The following SGCD variants were observed in gnomAD, a reference collection of about 807,000 sequenced individuals.
SGCD encodes the protein delta-sarcoglycan.
In SGCD, 18 loss-of-function variants were observed where a neutral mutation model predicts 36.6. The observed-to-expected ratio is 0.49, with a 90% CI of 0.34 to 0.73. The LOEUF is 0.73. Ranked by LOEUF, SGCD falls within the 30% of genes least tolerant of loss-of-function variation. The pLI is 0.01. For synonymous variants in SGCD, 133 were observed against 130.6 expected (o/e 1.02, Z -0.12); for missense variants, 387 against 346.7 (o/e 1.12, Z -0.92).
intron 3 of SGCD, among the ~76,000 whole-genome samples, chr5:156,174,026 C>G (rs940544992): frequency 6.6e-6 from 1 of 152,124 alleles, no homozygotes; most frequent in Non-Finnish European, 1.5e-5. Flanking sequence ...TTTAAAAACT[C>G]ATTGTAAAGT....
At chr5:155,835,048 C>T in the SGCD span, among the ~76,000 whole-genome samples, 2 of 110,856 alleles carry the variant, frequency 1.8e-5, no homozygotes, top group African/African-American at 3.3e-5. Context: ...TTCTCTGTCA[C>T]CCAGGCTAGA....
chr5:156,104,825 G>T (rs1231902418), intron 1 of SGCD, among the ~76,000 whole-genome samples: 2 of 152,152 alleles, frequency 1.3e-5, no homozygotes, highest in Non-Finnish European at 2.9e-5. Flanking sequence ...TTAAACCTTG[G>T]TTCCTTCATC....
chr5:156,731,276 T>C (rs1475115623), intron 7 of SGCD, among the ~76,000 whole-genome samples: 1 of 151,880 alleles, frequency 6.6e-6, no homozygotes, highest in East Asian at 1.9e-4. Context: ...CATTTGTCAA[T>C]TTTTGCTTTT....
At chr5:156,328,888 A>C (rs1449646936) in intron 1 of SGCD, among the ~76,000 whole-genome samples, 2 of 152,110 alleles carry the variant, frequency 1.3e-5, no homozygotes, top group Admixed American at 1.3e-4. Context: ...ATGCCAAGAC[A>C]GATTAGGAAC....
At chr5:156,346,280 A>G (rs1768930282) in intron 3 of SGCD, among the ~76,000 whole-genome samples, 1 of 152,126 alleles carries the variant, frequency 6.6e-6, no homozygotes, top group South Asian at 2.1e-4. Flanking sequence ...CTTTCTAAAA[A>G]AATTTTTCTT....
intron 1 of SGCD, among the ~76,000 whole-genome samples, chr5:156,009,968 C>G (rs923979902): frequency 1.3e-5 from 2 of 152,156 alleles, no homozygotes; most frequent in Non-Finnish European, 2.9e-5. Context: ...GACTCAAACA[C>G]GTTTTGGCAA....
At chr5:156,552,958 A>G (rs928241485) in intron 4 of SGCD, among the ~76,000 whole-genome samples, 5 of 152,134 alleles carry the variant, frequency 3.3e-5, no homozygotes, top group African/African-American at 1.2e-4. Context: ...ATTTATGAAG[A>G]AAAAAAGGCT....
chr5:155,792,856 G>T, the SGCD span, among the ~76,000 whole-genome samples: 9 of 152,164 alleles, frequency 5.9e-5, no homozygotes, highest in African/African-American at 2.2e-4. Flanking sequence ...ATTTCTTAAA[G>T]AACTTAAAGC....
At chr5:156,084,172 G>A (rs1360776541) in intron 1 of SGCD, among the ~76,000 whole-genome samples, 1 of 152,142 alleles carries the variant, frequency 6.6e-6, no homozygotes, top group East Asian at 1.9e-4. Context: ...CAAACTTGTA[G>A]TTCAATTTGG....
chr5:156,075,192 CA>C (rs111372223), intron 1 of SGCD, among the ~76,000 whole-genome samples: 4,492 of 147,302 alleles, frequency 0.03, 221 homozygotes, highest in African/African-American at 0.11. Context: ...GTCAAATTTA[CA>C]AAAAAAAAAT....
At chr5:156,112,721 C>T (rs563286785) in intron 1 of SGCD, among the ~76,000 whole-genome samples, 31 of 152,192 alleles carry the variant, frequency 2.0e-4, no homozygotes, top group African/African-American at 6.3e-4. Flanking sequence ...TTTGTTTGCA[C>T]GGCCATTTAA....
At chr5:156,195,862 G>T (rs1217241735) in intron 3 of SGCD, among the ~76,000 whole-genome samples, 1 of 152,074 alleles carries the variant, frequency 6.6e-6, no homozygotes, top group Non-Finnish European at 1.5e-5. Flanking sequence ...CTCATCAAGG[G>T]CCCTACCACC....
intron 3 of SGCD, among the ~76,000 whole-genome samples, chr5:156,278,518 G>GA (rs754685698): frequency 6.6e-6 from 1 of 152,024 alleles, no homozygotes; most frequent in Admixed American, 6.5e-5. Context: ...TTTTTCCCCA[G>GA]AAAAAATCAA....
intron 7 of SGCD, among the ~76,000 whole-genome samples, chr5:156,687,888 C>A (rs935205167): frequency 6.6e-6 from 1 of 152,282 alleles, no homozygotes; most frequent in Middle Eastern, 3.4e-3. Flanking sequence ...CAGGTATGCA[C>A]TACCGTAGCA....
chr5:156,610,969 TC>T (rs1482576442), intron 6 of SGCD, among the ~76,000 whole-genome samples: 4 of 152,224 alleles, frequency 2.6e-5, no homozygotes, highest in African/African-American at 9.6e-5. Context: ...GAAAGGGAAT[TC>T]CCTGACCCCT....
chr5:156,258,521 A>C (rs1187376474), intron 3 of SGCD, among the ~76,000 whole-genome samples: 1 of 152,194 alleles, frequency 6.6e-6, no homozygotes, highest in Non-Finnish European at 1.5e-5. Flanking sequence ...TTACTATCAA[A>C]CAAAAATAGC....
At chr5:156,294,033 G>A (rs546808446) in intron 3 of SGCD, among the ~76,000 whole-genome samples, 1 of 152,062 alleles carries the variant, frequency 6.6e-6, no homozygotes, top group Non-Finnish European at 1.5e-5. Context: ...AGTTTTCATT[G>A]TAGAAATATT....
At chr5:156,418,105 A>T (rs1244450133) in intron 3 of SGCD, among the ~76,000 whole-genome samples, 1 of 152,178 alleles carries the variant, frequency 6.6e-6, no homozygotes, top group African/African-American at 2.4e-5. Flanking sequence ...GCTGAAGCCC[A>T]GAAGGATGGA....
chr5:156,393,787 T>C, intron 3 of SGCD: 1 of 456,294 alleles, frequency 2.2e-6, no homozygotes, highest in Non-Finnish European at 4.4e-6. Context: ...AACTGGCTAT[T>C]CAGATGTTGT....
Sources: allele counts gnomAD v4.1 joint callset (sites outside exome capture counted in the v4.1 genomes callset), GRCh38; gene constraint gnomAD v4.1.1; transcripts MANE v1.5; gene names NCBI Gene and HGNC (gene_info 2026-07-23, HGNC 2026-07-21).